Variants in CRTC3 observed in about 807,000 individuals in gnomAD.
CRTC3 encodes CREB-regulated transcription coactivator 3.
CRTC3 carries 26 observed loss-of-function variants against 74.5 expected under a neutral mutation model. That is an observed-to-expected ratio of 0.35 (90% confidence interval 0.26 to 0.48). The LOEUF is 0.48. CRTC3 is among the 20% of genes least tolerant of loss of function. CRTC3 has a pLI of 0.99. For missense variants in CRTC3, 760 were observed against 787.3 expected, an observed-to-expected ratio of 0.97 and a Z score of 0.41; for synonymous variants, 377 against 325.8, an observed-to-expected ratio of 1.16 and a Z score of -1.69.
At chr15:90,619,882 G>A (rs1351282415) in intron 9 of CRTC3, 92 bp downstream of exon 9, 5 of 1,073,034 alleles carry the variant, frequency 4.7e-6, no homozygotes, top group East Asian at 2.4e-5. Context: ...TCTCAGAAAC[G>A]TAACTTGCTA....
chr15:90,598,211 G>C (rs910045131), intron 3 of CRTC3: 10 of 554,466 alleles, frequency 1.8e-5, no homozygotes, highest in African/African-American at 1.7e-4. Flanking sequence ...GCCCTGCCCA[G>C]GTACACTGAC....
intron 3 of CRTC3, chr15:90,595,681 T>A (rs1967906801): frequency 6.6e-6 from 1 of 152,194 alleles, no homozygotes; most frequent in African/African-American, 2.4e-5. Flanking sequence ...TGTGTGTATG[T>A]ATATGTGGCT....
chr15:90,627,332 T>C (rs563647580), intron 10 of CRTC3, among the ~76,000 whole-genome samples: 1 of 152,242 alleles, frequency 6.6e-6, no homozygotes. Context: ...TAGGAGAAAT[T>C]TGATATTTGC....
intron 3 of CRTC3, chr15:90,598,465 A>AGTCCCTGT: frequency 1.4e-6 from 1 of 702,992 alleles, no homozygotes; most frequent in Non-Finnish European, 2.6e-6. Flanking sequence ...GAGGAACAGC[A>AGTCCCTGT]GTCCCTGTGT....
chr15:90,535,265 A>C (rs1409601931), intron 1 of CRTC3, among the ~76,000 whole-genome samples: 1 of 152,168 alleles, frequency 6.6e-6, no homozygotes, highest in Non-Finnish European at 1.5e-5. Context: ...GGAGCTGGCC[A>C]AGAAGGCTTG....
chr15:90,618,544 C>A (rs1339756897), intron 8 of CRTC3, among the ~76,000 whole-genome samples: 1 of 152,214 alleles, frequency 6.6e-6, no homozygotes, highest in Admixed American at 6.5e-5. Flanking sequence ...TCCCACGGTA[C>A]TTGCCTTGGC....
chr15:90,557,622 T>C (rs1034735543), intron 2 of CRTC3, among the ~76,000 whole-genome samples: 11 of 152,096 alleles, frequency 7.2e-5, no homozygotes, highest in Non-Finnish European at 1.3e-4. Context: ...CCTGGTAATA[T>C]GGTGGAGTAC....
In CRTC3 at chr15:90,532,698, A is replaced by G. The variant is rs554882401; in HGVS notation, c.132+2495A>G. ...ACTGTAGAGGATTTTCTCTAGCTTT[A>G]GAAGTCCGGCATTATCAGGAAGCAG... On this transcript the variant is annotated intron_variant, in intron 1 of 14. Transcript: ENST00000268184. Among the ~76,000 whole-genome samples, 7 of 152,332 alleles carry G rather than the reference A, an allele frequency of 4.6e-5. No individual in the cohort carries two copies. In the East Asian group the frequency reaches 1.3e-3, roughly 29 times the overall value.
intron 5 of CRTC3, among the ~76,000 whole-genome samples, chr15:90,605,544 C>A (rs770307503): frequency 6.6e-5 from 10 of 152,192 alleles, no homozygotes; most frequent in Non-Finnish European, 1.3e-4. Context: ...AATGCCTGGT[C>A]GGTATTTAGA....
intron 2 of CRTC3, among the ~76,000 whole-genome samples, chr15:90,563,029 C>T (rs538693281): frequency 4.6e-5 from 7 of 152,274 alleles, no homozygotes; most frequent in East Asian, 3.9e-4. Context: ...GCTCAAGAGA[C>T]GCTTTCTACC....
chr15:90,546,296 C>T (rs1966844188), intron 2 of CRTC3, among the ~76,000 whole-genome samples: 1 of 152,180 alleles, frequency 6.6e-6, no homozygotes, highest in African/African-American at 2.4e-5. Context: ...TTGATGAAGA[C>T]TTTCTTTTCC....
Position 90,619,708 on chromosome 15 carries a change from C to T in CRTC3, c.700-33C>T, listed in dbSNP as rs114667786. On this transcript the variant is annotated intron_variant, in intron 8 of 14. Coordinates refer to ENST00000268184, the MANE Select transcript of CRTC3 (RefSeq NM_022769.5). ...CAAAAACTTGAATTTGGCTTTACAG[C>T]GAGTAAGCCCAGCTTTCATTGTCTC... 2.2e-4 allele frequency: 346 copies of T among 1,605,036 alleles called. No individual in the cohort carries two copies. In the African/African-American group the frequency reaches 4.0e-3, roughly 19 times the overall value.
At chr15:90,629,158 C>A in intron 10 of CRTC3, 76 bp from the exon 11 acceptor site, 1 of 1,377,352 alleles carries the variant, frequency 7.3e-7, no homozygotes, top group Non-Finnish European at 1.0e-6. Flanking sequence ...TGACAGTAGA[C>A]AGTTTTCTTT....
intron 1 of CRTC3, among the ~76,000 whole-genome samples, chr15:90,534,338 G>C (rs776949919): frequency 1.4e-4 from 22 of 152,162 alleles, no homozygotes; most frequent in Non-Finnish European, 2.4e-4. Flanking sequence ...GTGCCTGTGA[G>C]GCACATAAGT....
intron 2 of CRTC3, among the ~76,000 whole-genome samples, chr15:90,568,443 TG>T (rs1179236800): frequency 1.1e-4 from 17 of 151,968 alleles, no homozygotes; most frequent in South Asian, 2.1e-4. Context: ...CTCTGCCTCA[TG>T]GGTTCAAGCG....
At chr15:90,549,574 G>C (rs747588022) in intron 2 of CRTC3, among the ~76,000 whole-genome samples, 3 of 152,132 alleles carry the variant, frequency 2.0e-5, no homozygotes, top group Non-Finnish European at 4.4e-5. Flanking sequence ...CCAGGAGTTG[G>C]AGAAAGATAG....
At chr15:90,598,441 A>G (rs1444003713) in intron 3 of CRTC3, 1 of 702,814 alleles carries the variant, frequency 1.4e-6, no homozygotes, top group East Asian at 2.7e-5. Context: ...TCCCTCTAAC[A>G]CTCCACAGGT....
intron 2 of CRTC3, among the ~76,000 whole-genome samples, chr15:90,578,310 G>A (rs1373237271): frequency 5.3e-5 from 8 of 152,094 alleles, no homozygotes; most frequent in African/African-American, 1.9e-4. Context: ...ACTTTGGAAG[G>A]CTGAGGTGGG....
intron 3 of CRTC3, chr15:90,599,465 T>C (rs145763083): frequency 1.3e-5 from 2 of 152,354 alleles, no homozygotes; most frequent in African/African-American, 4.8e-5. Flanking sequence ...TGGAGTAGTT[T>C]AAAGCCACCT....
Sources: allele counts gnomAD v4.1 joint callset (sites outside exome capture counted in the v4.1 genomes callset), GRCh38; gene constraint gnomAD v4.1.1; transcripts MANE v1.5; gene names NCBI Gene and HGNC (gene_info 2026-07-23, HGNC 2026-07-21).